LURAP1: variants seen among roughly 807,000 people sequenced by gnomAD.
The protein encoded by LURAP1 is NF-kappa-B activator C1orf190.
LURAP1 carries 14 observed loss-of-function variants against 19.0 expected under a neutral mutation model. That is an observed-to-expected ratio of 0.74 (90% CI 0.49 to 1.15). The LOEUF (loss-of-function observed/expected upper bound fraction) is 1.15. LURAP1 is among the 50% of genes most tolerant of loss of function. The probability of loss-of-function intolerance (pLI) is 0.00; values close to 1 mark genes in which losing one functional copy is unlikely to be tolerated. For missense variants in LURAP1, 273 were observed against 309.1 expected (o/e 0.88, Z 0.87); for synonymous variants, 129 against 131.8 (o/e 0.98, Z 0.14).
At chr1:46,211,348 T>C (rs1658888270) in intron 1 of LURAP1, among the ~76,000 whole-genome samples, 1 of 151,942 alleles carries the variant, frequency 6.6e-6, no homozygotes, top group Non-Finnish European at 1.5e-5. Flanking sequence ...AGAGACTGTT[T>C]CCTGAAGCCT....
chr1:46,209,841 G>A lies in LURAP1; in HGVS notation c.198+6217G>A, dbSNP rs184247030. On this transcript the variant is annotated intron_variant, in intron 1 of 1. Coordinates refer to ENST00000371980, the MANE Select transcript of LURAP1 (RefSeq NM_001013615.3). ...TGTAAATTTTGGAAAGAGGAAGGAA[G>A]GGAGGGATGGAGGGAGGCAGAAAGG... Among the ~76,000 whole-genome samples the A allele has an allele frequency of 6.6e-5, 10 of 152,182 alleles. No individual in the cohort carries two copies. The East Asian group carries it at 1.9e-3, about 29-fold the overall frequency.
intron 1 of LURAP1, among the ~76,000 whole-genome samples, chr1:46,217,791 AGG>A (rs1035592995): frequency 4.0e-4 from 61 of 152,284 alleles, no homozygotes; most frequent in African/African-American, 1.4e-3. Context: ...CTGGAGGCGG[AGG>A]TTGCAGTGAG....
chr1:46,218,479 G>A (rs977430941), intron 1 of LURAP1, among the ~76,000 whole-genome samples: 3 of 152,236 alleles, frequency 2.0e-5, no homozygotes, highest in African/African-American at 7.2e-5. Flanking sequence ...TGCTAGAGGC[G>A]AAACTATAGA....
intron 1 of LURAP1, among the ~76,000 whole-genome samples, chr1:46,206,552 G>A (rs1420911807): frequency 2.0e-5 from 3 of 152,156 alleles, no homozygotes; most frequent in East Asian, 3.8e-4. Context: ...CTCCTGAGCT[G>A]TTTATCCTAT....
intron 1 of LURAP1, among the ~76,000 whole-genome samples, chr1:46,216,575 C>G (rs1659078210): frequency 6.6e-6 from 1 of 152,138 alleles, no homozygotes; most frequent in Non-Finnish European, 1.5e-5. Flanking sequence ...CTCCTAGACT[C>G]AAGTGATCCT....
intron 1 of LURAP1, among the ~76,000 whole-genome samples, chr1:46,216,661 G>A (rs1177002183): frequency 1.3e-5 from 2 of 152,012 alleles, no homozygotes; most frequent in Admixed American, 6.6e-5. Context: ...TTTTAGATTC[G>A]GAGGGGGGTA....
chr1:46,214,638 A>G (rs1219216589), intron 1 of LURAP1, among the ~76,000 whole-genome samples: 1 of 151,768 alleles, frequency 6.6e-6, no homozygotes, highest in East Asian at 2.0e-4. Context: ...AGGCCAAGGC[A>G]GTGGATCACC....
At chr1:46,206,442 G>A (rs1362477075) in intron 1 of LURAP1, among the ~76,000 whole-genome samples, 2 of 152,134 alleles carry the variant, frequency 1.3e-5, no homozygotes, top group Non-Finnish European at 2.9e-5. Flanking sequence ...CCCCAGCGCT[G>A]GGCAGAGAGT....
chr1:46,207,740 A>G (rs892692892), intron 1 of LURAP1, among the ~76,000 whole-genome samples: 5 of 150,838 alleles, frequency 3.3e-5, no homozygotes, highest in Admixed American at 3.3e-4. Context: ...GGGTTTCACC[A>G]TGTTAGCCAG....
intron 1 of LURAP1, among the ~76,000 whole-genome samples, chr1:46,210,714 C>G (rs566488115): frequency 6.6e-6 from 1 of 152,268 alleles, no homozygotes; most frequent in Admixed American, 6.5e-5. Flanking sequence ...CTGTGCTCTC[C>G]CTGGGTGCAC....
intron 1 of LURAP1, among the ~76,000 whole-genome samples, chr1:46,214,965 G>A (rs1002023472): frequency 1.3e-5 from 2 of 151,362 alleles, no homozygotes; most frequent in South Asian, 4.2e-4. Context: ...TGTGGCTCAC[G>A]CCTGTAATCC....
Position 46,219,936 on chromosome 1 carries a change from A to G in LURAP1, c.436A>G (p.Ser146Gly). The G allele has an allele frequency of 1.2e-6, 2 of 1,614,268 alleles. No individual in the cohort carries two copies. Among genetic ancestry groups the G allele is most frequent in the Non-Finnish European group, 1.7e-6 (2 of 1,180,048 alleles). The change falls in exon 2 of 2, where the codon AGC (serine) becomes GGC (glycine). Residue 146 changes from serine (S) to glycine (G), a missense_variant. By Grantham distance (56) the Ser-to-Gly change is moderately conservative (BLOSUM62 0). Transcript: ENST00000371980. ...TDRLDSVSIG[S>G]FLDTVAPSEL... ...CCGGCTGGACAGTGTCTCTATTGGC[A>G]GCTTCCTGGACACAGTGGCCCCCAG...
intron 1 of LURAP1, among the ~76,000 whole-genome samples, chr1:46,219,143 A>G (rs1659152731): frequency 6.6e-6 from 1 of 151,800 alleles, no homozygotes; most frequent in Non-Finnish European, 1.5e-5. Flanking sequence ...TAAAAATACA[A>G]AATTAGCTGG....
chr1:46,211,439 GCACA>G (rs57919535), intron 1 of LURAP1, among the ~76,000 whole-genome samples: 6,156 of 78,936 alleles, frequency 0.078, 210 homozygotes, highest in South Asian at 0.14. Flanking sequence ...ATGAAAACCT[GCACA>G]CACACACACA....
At chr1:46,204,578 G>T (rs146883303) in intron 1 of LURAP1, among the ~76,000 whole-genome samples, 12 of 152,320 alleles carry the variant, frequency 7.9e-5, no homozygotes, top group African/African-American at 2.9e-4. Flanking sequence ...GAAGGAGAAG[G>T]GGAAGGAAAT....
intron 1 of LURAP1, among the ~76,000 whole-genome samples, chr1:46,212,799 G>A (rs960465987): frequency 4.7e-5 from 7 of 147,892 alleles, no homozygotes; most frequent in East Asian, 2.0e-4. Flanking sequence ...TCGCTCTGTC[G>A]CCCAGGCTGG....
intron 1 of LURAP1, among the ~76,000 whole-genome samples, chr1:46,205,286 G>C (rs1658676126): frequency 6.6e-6 from 1 of 151,786 alleles, no homozygotes; most frequent in Non-Finnish European, 1.5e-5. Context: ...GGGAAGAAGG[G>C]GAGGAAGGGA....
rs934825092 is a variant in LURAP1 at position 46,219,579 on chromosome 1, A to G, written c.199-120A>G. On this transcript the variant is annotated intron_variant, in intron 1 of 1. Coordinates refer to ENST00000371980, the MANE Select transcript of LURAP1 (RefSeq NM_001013615.3). ...TCTGAAGCCTACACTGCAAGCCGTTATAATTCCATCCGTCTTAAAGTGAAA... is the reference window on the plus strand; with the variant it reads ...TCTGAAGCCTACACTGCAAGCCGTTGTAATTCCATCCGTCTTAAAGTGAAA... The G allele has an allele frequency of 1.5e-5, 17 of 1,124,522 alleles. No homozygotes were observed. In the African/African-American group the frequency reaches 2.5e-4, roughly 16 times the overall value. 69.7% of individuals were successfully genotyped at this position (1,124,522 alleles called of 1,614,324 possible). A position where few individuals can be genotyped will look rare whatever the true frequency, so the allele number is the denominator to read the frequency against.
chr1:46,204,648 G>A (rs1017463927), intron 1 of LURAP1, among the ~76,000 whole-genome samples: 1 of 152,216 alleles, frequency 6.6e-6, no homozygotes, highest in African/African-American at 2.4e-5. Context: ...TGGGAAGAGA[G>A]TCTGGTGGGT....
Sources: allele counts gnomAD v4.1 joint callset (sites outside exome capture counted in the v4.1 genomes callset), GRCh38; gene constraint gnomAD v4.1.1; transcripts MANE v1.5; gene names NCBI Gene and HGNC (gene_info 2026-07-23, HGNC 2026-07-21).